The following ARHGAP31 variants were observed in gnomAD, a reference collection of about 807,000 sequenced individuals.
The protein encoded by ARHGAP31 is rho GTPase-activating protein 31.
A neutral mutation model predicts 113.9 loss-of-function variants in ARHGAP31; 34 were observed. The ratio of observed to expected loss-of-function variants is 0.30; its 90% CI spans 0.23 to 0.40. ARHGAP31 has a LOEUF of 0.40. ARHGAP31 is among the 10% of genes least tolerant of loss of function. The pLI, the probability that ARHGAP31 is intolerant of heterozygous loss-of-function variation, is 1.00. For synonymous variants in ARHGAP31, 650 were observed against 684.8 expected (o/e 0.95, Z 0.79); for missense variants, 1,548 against 1,767.1 (o/e 0.88, Z 2.22).
At chr3:119,362,261 C>T (rs1211076289) in intron 1 of ARHGAP31, among the ~76,000 whole-genome samples, 2 of 152,220 alleles carry the variant, frequency 1.3e-5, no homozygotes, top group African/African-American at 4.8e-5. Context: ...CACAGCACAG[C>T]AGCCATGCAC....
At chr3:119,303,127 C>A (rs1175454034) in intron 1 of ARHGAP31, among the ~76,000 whole-genome samples, 1 of 152,184 alleles carries the variant, frequency 6.6e-6, no homozygotes, top group African/African-American at 2.4e-5. Flanking sequence ...ATGGTGAGTT[C>A]CCCCGAAGGC....
chr3:119,388,121 G>A (rs1182100223), intron 6 of ARHGAP31, among the ~76,000 whole-genome samples: 1 of 152,092 alleles, frequency 6.6e-6, no homozygotes, highest in Non-Finnish European at 1.5e-5. Flanking sequence ...AAAGTGGGGT[G>A]CCCCACTCTG....
rs146615532 is a variant in ARHGAP31 at position 119,416,545 on chromosome 3, G to C, written c.*281G>C. ...ATGCTTGCCTCCAATGAACTTTGGA[G>C]CTTGTATGTGAGTCAGATTGCTCCC... is the stretch of plus-strand genomic sequence containing the variant. On this transcript the variant is annotated 3_prime_UTR_variant, in exon 12 of 12. Coordinates refer to ENST00000264245, the MANE Select transcript of ARHGAP31 (RefSeq NM_020754.4). The C allele has an allele frequency of 8.6e-5, 40 of 462,948 alleles. No homozygotes were observed. The highest frequency in any genetic ancestry group is 4.7e-4 in the Admixed American group (14 of 29,732). 28.7% of individuals were successfully genotyped at this position (462,948 alleles called of 1,614,324 possible).
intron 1 of ARHGAP31, among the ~76,000 whole-genome samples, chr3:119,312,238 C>G (rs2079689182): frequency 6.6e-6 from 1 of 152,162 alleles, no homozygotes; most frequent in African/African-American, 2.4e-5. Flanking sequence ...AGGGAATAAA[C>G]TTTTTTCAGG....
chr3:119,405,467 G>T (rs1363174066), intron 10 of ARHGAP31, among the ~76,000 whole-genome samples: 1 of 152,170 alleles, frequency 6.6e-6, no homozygotes. Context: ...ATGGGAAAGG[G>T]CTAGAGGAAG....
rs2080758956 is a variant in ARHGAP31 at position 119,414,905 on chromosome 3, C to G, written c.2976C>G (p.Pro992=). The G allele has an allele frequency of 6.2e-7, 1 of 1,614,182 alleles. No individual in the cohort carries two copies. The highest frequency in any genetic ancestry group is 8.5e-7 in the Non-Finnish European group (1 of 1,180,006). The change falls in exon 12 of 12, where the codon CCC becomes CCG. Residue 992 remains proline (P), a synonymous_variant. Transcript: ENST00000264245. ...RNSDPLQPQA[P]RREITGWDEK... The stretch of plus-strand genomic sequence containing the variant: ...CTGACCCTCTTCAGCCCCAGGCACC[C>G]AGGAGAGAGATTACTGGATGGGATG...
chr3:119,416,065 C>T lies in ARHGAP31; in HGVS notation c.4136C>T (p.Pro1379Leu), dbSNP rs775504486. ...GTCCTGCTGTCCCCTATCAGAAGTC[C>T]CACCCAGACAGTTTCCCCTGGCCTT... ...SKVLLSPIRS[P>L]TQTVSPGLLC... Residue 1379 changes from proline (P) to leucine (L), a missense_variant, in exon 12 of 12, where the codon CCC (proline) becomes CTC (leucine). Coordinates refer to ENST00000264245, the MANE Select transcript of ARHGAP31 (RefSeq NM_020754.4). 1.2e-6 allele frequency: 2 copies of T among 1,614,062 alleles called. No individual in the cohort carries two copies. Among genetic ancestry groups the T allele is most frequent in the African/African-American group, 2.7e-5 (2 of 74,926 alleles).
intron 1 of ARHGAP31, among the ~76,000 whole-genome samples, chr3:119,342,278 T>C (rs2080015393): frequency 6.6e-6 from 1 of 152,180 alleles, no homozygotes; most frequent in Admixed American, 6.5e-5. Flanking sequence ...AGCAATGCTT[T>C]GCTAAAAACA....
intron 1 of ARHGAP31, among the ~76,000 whole-genome samples, chr3:119,335,900 C>T (rs1448121918): frequency 2.0e-5 from 3 of 152,186 alleles, no homozygotes; most frequent in Admixed American, 6.5e-5. Flanking sequence ...TGGCCAGGAG[C>T]GGTAGCTCAA....
intron 1 of ARHGAP31, among the ~76,000 whole-genome samples, chr3:119,312,026 A>C (rs1459685022): frequency 6.6e-6 from 1 of 152,262 alleles, no homozygotes; most frequent in South Asian, 2.1e-4. Context: ...TATCTGCCTG[A>C]ACTCTCTGTT....
At chr3:119,408,340 A>G (rs1387465362) in intron 10 of ARHGAP31, among the ~76,000 whole-genome samples, 1 of 152,226 alleles carries the variant, frequency 6.6e-6, no homozygotes, top group Non-Finnish European at 1.5e-5. Context: ...AAATACCACT[A>G]TTGTGAATTC....
At position 119,390,979 on chromosome 3, in the gene ARHGAP31, A is replaced by G. The variant is rs1195488753; in HGVS notation, c.877A>G (p.Asn293Asp). Reference protein sequence around the residue: ...LFHTVLELPDNKRKLSSKSKK... With the variant: ...LFHTVLELPDDKRKLSSKSKK... ...CCACACTGTCCTTGAGTTACCAGAC[A>G]ACAAGTAAGTGGCACTCTTTTAAAA... is the stretch of plus-strand genomic sequence containing the variant. The change falls in exon 7 of 12, where the codon AAC becomes GAC. Residue 293 changes from asparagine to aspartate, a missense_variant. Physicochemically the swap from Asn to Asp is conservative, Grantham distance 23 (BLOSUM62 1). Transcript: ENST00000264245. The G allele has an allele frequency of 6.2e-7, 1 of 1,614,026 alleles. No individual in the cohort carries two copies. The highest frequency in any genetic ancestry group is 1.3e-5 in the African/African-American group (1 of 74,928).
Position 119,418,718 on chromosome 3 carries a change from T to C in ARHGAP31, c.*2454T>C, listed in dbSNP as rs746988340. On this transcript the variant is annotated 3_prime_UTR_variant, in exon 12 of 12. Coordinates refer to ENST00000264245, the MANE Select transcript of ARHGAP31 (RefSeq NM_020754.4). ...GCAAGATCTTTTAGACTCTGACATT[T>C]ATAGCATCACCTTCAGGAACACAGT... 6.6e-6 allele frequency: 1 copy of C among 152,210 alleles called. No homozygotes were observed. Among genetic ancestry groups the C allele is most frequent in the Non-Finnish European group, 1.5e-5 (1 of 68,040 alleles). The allele number at this position is 152,210 out of a possible 1,614,324, so 9.4% of individuals were successfully genotyped here.
chr3:119,408,103 A>G (rs1247059959), intron 10 of ARHGAP31, among the ~76,000 whole-genome samples: 2 of 152,210 alleles, frequency 1.3e-5, no homozygotes, highest in African/African-American at 4.8e-5. Context: ...CAACCTAGAA[A>G]ACAAAAAGAT....
chr3:119,336,417 G>A (rs2079948049), intron 1 of ARHGAP31, among the ~76,000 whole-genome samples: 1 of 126,936 alleles, frequency 7.9e-6, no homozygotes, highest in Non-Finnish European at 1.7e-5. Context: ...CACGTCAGCA[G>A]GGATGTACCA....
chr3:119,402,438 A>G (rs751316936), intron 10 of ARHGAP31, 41 bp downstream of exon 10: 1 of 1,597,430 alleles, frequency 6.3e-7, no homozygotes, highest in African/African-American at 1.3e-5. Context: ...TGCAAGAGAG[A>G]AAAACCAGAC....
chr3:119,345,894 C>A (rs533471803), intron 1 of ARHGAP31, among the ~76,000 whole-genome samples: 5 of 152,146 alleles, frequency 3.3e-5, no homozygotes, highest in Admixed American at 1.3e-4. Context: ...TAAGTCATGA[C>A]GGGCTCTGTT....
In ARHGAP31 at chr3:119,294,711, G is replaced by A. The variant is rs4687994; in HGVS notation, c.-194G>A. The A allele has an allele frequency of 0.39, 241,279 of 625,872 alleles. 47,815 individuals carry two copies. The highest frequency in any genetic ancestry group is 0.41 in the Non-Finnish European group (145,762 of 352,774). The allele number at this position is 625,872 out of a possible 1,614,324, so 38.8% of individuals were successfully genotyped here. ...GCACGGCGGCCCCGGAGCGGCGCGG[G>A]GTGGATCTCAGGCTCTGCCGGCCCG... On this transcript the variant is annotated 5_prime_UTR_variant, in exon 1 of 12. Coordinates refer to ENST00000264245, the MANE Select transcript of ARHGAP31 (RefSeq NM_020754.4).
At chr3:119,329,733 C>T (rs978998250) in intron 1 of ARHGAP31, 1 of 920,664 alleles carries the variant, frequency 1.1e-6, no homozygotes, top group Non-Finnish European at 1.3e-6. Flanking sequence ...CAGAAGATGC[C>T]CTTCCTGCCC....
Sources: gnomAD v4.1 joint callset for allele counts (sites outside exome capture counted in the v4.1 genomes callset) on GRCh38, gnomAD v4.1.1 for gene constraint, MANE v1.5 for transcripts, NCBI Gene and HGNC (gene_info 2026-07-23, HGNC 2026-07-21) for gene names.